Variants in PLCH1 observed in about 807,000 individuals in gnomAD.
The protein encoded by PLCH1 is phospholipase C eta 1, also known as 1-phosphatidylinositol 4,5-bisphosphate phosphodiesterase eta-1.
Under a neutral mutation model 126.7 loss-of-function variants are expected in PLCH1, and 60 were observed. The ratio of observed to expected loss-of-function variants is 0.47; its 90% CI spans 0.38 to 0.59. The LOEUF (loss-of-function observed/expected upper bound fraction) is 0.59. Ranked by LOEUF, PLCH1 falls within the 20% of genes least tolerant of loss-of-function variation. PLCH1 has a pLI of 0.00. For synonymous variants in PLCH1, 719 were observed against 734.9 expected, an observed-to-expected ratio of 0.98 and a Z score of 0.35; for missense variants, 1,723 against 2,040.0, an observed-to-expected ratio of 0.84 and a Z score of 2.99.
At chr3:155,564,630 T>C (rs531111909) in intron 8 of PLCH1, among the ~76,000 whole-genome samples, 111 of 152,220 alleles carry the variant, frequency 7.3e-4, no homozygotes, top group South Asian at 1.7e-3. Context: ...ATTTTTGCAA[T>C]TGTATAATTA....
chr3:155,470,016 C>T (rs908699430), intron 21 of PLCH1, among the ~76,000 whole-genome samples: 11 of 152,170 alleles, frequency 7.2e-5, no homozygotes, highest in South Asian at 2.1e-4. Flanking sequence ...AAACGCAGAA[C>T]GCCTCTCCTC....
chr3:155,463,704 T>G (rs913775192), intron 21 of PLCH1, among the ~76,000 whole-genome samples: 1 of 152,134 alleles, frequency 6.6e-6, no homozygotes, highest in Non-Finnish European at 1.5e-5. Context: ...CAGTTACTCT[T>G]ACACATGGCA....
intron 1 of PLCH1, among the ~76,000 whole-genome samples, chr3:155,737,252 G>C (rs1039500011): frequency 1.3e-5 from 1 of 78,256 alleles, no homozygotes; most frequent in Non-Finnish European, 3.1e-5. Context: ...AAAAAAAAGA[G>C]TATATGGTGA....
chr3:155,715,961 G>A (rs1208867198), intron 1 of PLCH1, among the ~76,000 whole-genome samples: 3 of 151,948 alleles, frequency 2.0e-5, no homozygotes, highest in East Asian at 3.9e-4. Flanking sequence ...TAATTTCAAC[G>A]TTTAACTGTT....
chr3:155,641,853 G>A (rs566368246), intron 2 of PLCH1, among the ~76,000 whole-genome samples: 1 of 152,180 alleles, frequency 6.6e-6, no homozygotes, highest in East Asian at 1.9e-4. Flanking sequence ...TTTCCTGGCA[G>A]AGAAGTTATT....
In PLCH1 at chr3:155,579,874, CTCTG is replaced by C. The variant is rs974702134; in HGVS notation, c.771+3594_771+3597del. The stretch of plus-strand genomic sequence containing the variant: ...TCTCTGTCTGTCTGTCTGTGTCTGT[CTCTG>C]TCTGTCTGTCTCTCTTTCTCTCTCT... On this transcript the variant is annotated intron_variant, in intron 6 of 22. Coordinates refer to ENST00000460012, the MANE Select transcript of PLCH1 (RefSeq NM_014996.4). Among the ~76,000 whole-genome samples the C allele has an allele frequency of 9.2e-5, 14 of 152,116 alleles. No homozygotes were observed. In the South Asian group the frequency reaches 1.0e-3, roughly 11 times the overall value.
rs531589260 is a variant in PLCH1, at chr3:155,500,172, A to T, written c.1796+531T>A. On this transcript the variant is annotated intron_variant, in intron 14 of 22. Transcript: ENST00000460012. ...CTTATCATAAATACTACTGGCAATA[A>T]AGCAAACAAACAAACAAAAAAGAAC... Among the ~76,000 whole-genome samples the T allele has an allele frequency of 2.0e-5, 3 of 152,338 alleles. No homozygotes were observed. The South Asian group carries it at 6.2e-4, about 32-fold the overall frequency.
Position 155,494,410 on chromosome 3 carries a change from A to G in PLCH1, c.2002T>C (p.Tyr668His). ...GAATCAATGCGGTAGGCAGAGGGGT[A>G]AATCCTCGTGAGTTGCTTTTGATTA... ...IYNQKQLTRI[Y>H]PSAYRIDSSN... The change falls in exon 16 of 23, where the codon TAC (tyrosine) becomes CAC (histidine). Residue 668 changes from tyrosine to histidine, a missense_variant. Coordinates refer to ENST00000460012, the MANE Select transcript of PLCH1 (RefSeq NM_014996.4). 2 of 1,614,144 alleles carry G rather than the reference A, an allele frequency of 1.2e-6. No individual in the cohort carries two copies. Among genetic ancestry groups the G allele is most frequent in the Non-Finnish European group, 1.7e-6 (2 of 1,179,976 alleles).
At chr3:155,562,243 C>T (rs1727736623) in intron 8 of PLCH1, among the ~76,000 whole-genome samples, 1 of 152,192 alleles carries the variant, frequency 6.6e-6, no homozygotes, top group Non-Finnish European at 1.5e-5. Flanking sequence ...TTCCATGATG[C>T]TCACCCATGA....
chr3:155,554,470 A>G (rs1458651005), intron 8 of PLCH1, among the ~76,000 whole-genome samples: 2 of 152,238 alleles, frequency 1.3e-5, no homozygotes, highest in Non-Finnish European at 2.9e-5. Flanking sequence ...CCAAAAACTC[A>G]TTAGAACTTA....
At chr3:155,457,959 C>T (rs1208558440) in intron 21 of PLCH1, among the ~76,000 whole-genome samples, 5 of 152,134 alleles carry the variant, frequency 3.3e-5, no homozygotes, top group African/African-American at 9.7e-5. Flanking sequence ...GAGGAGTTCC[C>T]GTGCACAGCT....
intron 10 of PLCH1, among the ~76,000 whole-genome samples, chr3:155,534,497 A>G (rs1327067164): frequency 6.6e-6 from 1 of 152,146 alleles, no homozygotes; most frequent in African/African-American, 2.4e-5. Context: ...GGCAGAAGGG[A>G]CTTCCCTCGT....
intron 6 of PLCH1, among the ~76,000 whole-genome samples, chr3:155,582,752 A>G (rs1730879790): frequency 6.6e-6 from 1 of 152,188 alleles, no homozygotes; most frequent in South Asian, 2.1e-4. Context: ...GTCTAATATA[A>G]AAGGTTAAAA....
In PLCH1 at chr3:155,594,090, G is replaced by A; in HGVS notation, c.321C>T (p.Phe107=). ...CCATGTGGTTGCCATGGTAGATGGT[G>A]AAGCAGCAGCTGGGGTCGAAGTTCC... ...AEGNFDPSCC[F]TIYHGNHMES... The change falls in exon 4 of 23, where the codon TTC becomes TTT. Residue 107 remains phenylalanine, a synonymous_variant. Transcript: ENST00000460012. 1.2e-6 allele frequency: 2 copies of A among 1,614,114 alleles called. No individual in the cohort carries two copies. The highest frequency in any genetic ancestry group is 1.7e-6 in the Non-Finnish European group (2 of 1,180,020).
chr3:155,604,541 C>G (rs1480064439), intron 2 of PLCH1, among the ~76,000 whole-genome samples: 1 of 152,132 alleles, frequency 6.6e-6, no homozygotes, highest in African/African-American at 2.4e-5. Flanking sequence ...AGAATTCGGT[C>G]AAAGAAAGGG....
intron 2 of PLCH1, among the ~76,000 whole-genome samples, chr3:155,659,826 G>A (rs947066087): frequency 6.6e-6 from 1 of 151,962 alleles, no homozygotes; most frequent in African/African-American, 2.4e-5. Flanking sequence ...TAGAGATGGA[G>A]TCTCACTATG....
intron 8 of PLCH1, among the ~76,000 whole-genome samples, chr3:155,559,324 C>T (rs1335808582): frequency 2.0e-5 from 3 of 152,040 alleles, no homozygotes; most frequent in Non-Finnish European, 2.9e-5. Context: ...AAACACTTAG[C>T]CAGGACCTGG....
chr3:155,561,868 G>A (rs1727679898), intron 8 of PLCH1, among the ~76,000 whole-genome samples: 1 of 152,040 alleles, frequency 6.6e-6, no homozygotes, highest in Non-Finnish European at 1.5e-5. Flanking sequence ...TGCAACCTCT[G>A]CCTCCTGGGT....
intron 2 of PLCH1, chr3:155,676,017 T>C: frequency 6.5e-7 from 1 of 1,538,510 alleles, no homozygotes; most frequent in Non-Finnish European, 8.8e-7. Flanking sequence ...ACTTAAGTTT[T>C]TATACACTTC....
Sources: gnomAD v4.1 joint callset for allele counts (sites outside exome capture counted in the v4.1 genomes callset) on GRCh38, gnomAD v4.1.1 for gene constraint, MANE v1.5 for transcripts, NCBI Gene and HGNC (gene_info 2026-07-23, HGNC 2026-07-21) for gene names.